Variants in HCRTR2 observed in about 807,000 individuals in gnomAD.
The protein encoded by HCRTR2 is hypocretin receptor 2.
In HCRTR2, 22 loss-of-function variants were observed where a neutral mutation model predicts 49.0. The ratio of observed to expected loss-of-function variants is 0.45; its 90% CI spans 0.32 to 0.64. The LOEUF is 0.64. Ranked by LOEUF, HCRTR2 falls within the 30% of genes least tolerant of loss-of-function variation. The pLI is 0.04. For missense variants in HCRTR2, 491 were observed against 559.4 expected, an observed-to-expected ratio of 0.88 and a Z score of 1.23; for synonymous variants, 236 against 205.3, an observed-to-expected ratio of 1.15 and a Z score of -1.28.
At chr6:55,226,010 G>A (rs960485817) in intron 1 of HCRTR2, among the ~76,000 whole-genome samples, 2 of 152,164 alleles carry the variant, frequency 1.3e-5, no homozygotes, top group Non-Finnish European at 2.9e-5. Flanking sequence ...CCCTAGTTGG[G>A]CATCCCTGTG....
intron 1 of HCRTR2, among the ~76,000 whole-genome samples, chr6:55,163,556 G>A (rs890914356): frequency 7.9e-5 from 12 of 152,230 alleles, no homozygotes; most frequent in African/African-American, 2.2e-4. Flanking sequence ...ATGTTGTTGC[G>A]AAAACTGGCT....
intron 1 of HCRTR2, among the ~76,000 whole-genome samples, chr6:55,163,877 A>G (rs1764840512): frequency 6.6e-6 from 1 of 152,204 alleles, no homozygotes; most frequent in South Asian, 2.1e-4. Flanking sequence ...CAATCTGTCC[A>G]TCTGATAAAG....
chr6:55,284,073 C>T (rs958964121), downstream of HCRTR2, among the ~76,000 whole-genome samples: 2 of 152,178 alleles, frequency 1.3e-5, no homozygotes, highest in African/African-American at 2.4e-5. Context: ...TTGTAATTTT[C>T]GGATCGTGAT....
At chr6:55,222,651 G>A (rs1044344741) in intron 1 of HCRTR2, among the ~76,000 whole-genome samples, 1 of 152,028 alleles carries the variant, frequency 6.6e-6, no homozygotes, top group South Asian at 2.1e-4. Flanking sequence ...CAAACCTTGA[G>A]GACCTTATAC....
At chr6:55,155,454 C>T (rs1054548705) in intron 1 of HCRTR2, among the ~76,000 whole-genome samples, 41 of 152,058 alleles carry the variant, frequency 2.7e-4, no homozygotes, top group African/African-American at 9.4e-4. Context: ...AAAAAGCCAA[C>T]GGAGTCTAAA....
chr6:55,183,435 A>G (rs1341135780), intron 1 of HCRTR2, among the ~76,000 whole-genome samples: 4 of 152,244 alleles, frequency 2.6e-5, no homozygotes, highest in Non-Finnish European at 1.5e-5. Flanking sequence ...ATGTAAGTGC[A>G]GATGAGGAGA....
Position 55,167,733 on chromosome 6 carries a change from G to A in HCRTR2, c.-377-6478G>A, listed in dbSNP as rs571522337. Among the ~76,000 whole-genome samples, 3 of 152,234 alleles carry A rather than the reference G, an allele frequency of 2.0e-5. No individual in the cohort carries two copies. In the East Asian group the frequency reaches 5.8e-4, roughly 29 times the overall value. On this transcript the variant is annotated intron_variant, in intron 1 of 7. Transcript: ENST00000615358. Reference sequence around the variant, plus strand: ...ACGATAATGGATAGTTTCTAGCAGGGTGTCTGGAATGGGCAAGTACCCCCA... The same window carrying A: ...ACGATAATGGATAGTTTCTAGCAGGATGTCTGGAATGGGCAAGTACCCCCA...
At chr6:55,232,729 G>C (rs1766139180) in intron 1 of HCRTR2, among the ~76,000 whole-genome samples, 1 of 152,102 alleles carries the variant, frequency 6.6e-6, no homozygotes, top group Non-Finnish European at 1.5e-5. Flanking sequence ...TCCAAGCTTT[G>C]TGACAACTGT....
intron 1 of HCRTR2, among the ~76,000 whole-genome samples, chr6:55,222,220 T>A (rs1765911464): frequency 6.6e-6 from 1 of 151,552 alleles, no homozygotes; most frequent in African/African-American, 2.4e-5. Flanking sequence ...ACATCATTAG[T>A]AATTAGGGAA....
chr6:55,272,271 T>C (rs565871166), intron 4 of HCRTR2, among the ~76,000 whole-genome samples: 1 of 152,210 alleles, frequency 6.6e-6, no homozygotes, highest in Non-Finnish European at 1.5e-5. Flanking sequence ...GGCCACATAT[T>C]ACATAATTCT....
At chr6:55,163,184 C>G (rs2127263450) in intron 1 of HCRTR2, among the ~76,000 whole-genome samples, 1 of 152,046 alleles carries the variant, frequency 6.6e-6, no homozygotes, top group African/African-American at 2.4e-5. Context: ...TTGCAATGAG[C>G]CAAGATCCTG....
chr6:55,135,537 G>C (rs1764422042), intron 1 of HCRTR2, among the ~76,000 whole-genome samples: 1 of 152,024 alleles, frequency 6.6e-6, no homozygotes. Context: ...AGAGCAATCA[G>C]TTGCTTCAGT....
intron 5 of HCRTR2, among the ~76,000 whole-genome samples, chr6:55,277,926 T>C (rs1371616207): frequency 6.6e-6 from 1 of 152,228 alleles, no homozygotes; most frequent in East Asian, 1.9e-4. Context: ...CTTGCAGTTC[T>C]TTCTTGATGA....
At chr6:55,202,790 T>A (rs143196618) in intron 1 of HCRTR2, among the ~76,000 whole-genome samples, 1 of 152,146 alleles carries the variant, frequency 6.6e-6, no homozygotes, top group African/African-American at 2.4e-5. Flanking sequence ...AAACATTCAA[T>A]CTATAGCAAT....
At chr6:55,114,576 C>T (rs2127611628) in intron 1 of HCRTR2, among the ~76,000 whole-genome samples, 1 of 151,914 alleles carries the variant, frequency 6.6e-6, no homozygotes, top group East Asian at 1.9e-4. Flanking sequence ...TCTGTATTTG[C>T]AACATCCACC....
intron 1 of HCRTR2, among the ~76,000 whole-genome samples, chr6:55,204,256 G>A (rs1218780232): frequency 1.3e-5 from 2 of 152,004 alleles, no homozygotes; most frequent in Non-Finnish European, 2.9e-5. Context: ...TCCTTGGGTG[G>A]AAGAGCTCTG....
chr6:55,170,383 A>T (rs1764931878), upstream of HCRTR2, among the ~76,000 whole-genome samples: 1 of 150,692 alleles, frequency 6.6e-6, no homozygotes, highest in Non-Finnish European at 1.5e-5. Flanking sequence ...CACGCATAGA[A>T]TGTGTAATGG....
intron 1 of HCRTR2, among the ~76,000 whole-genome samples, chr6:55,115,781 T>A (rs1764107749): frequency 6.6e-6 from 1 of 151,662 alleles, no homozygotes; most frequent in African/African-American, 2.4e-5. Flanking sequence ...AGCTGAACCA[T>A]GAGAAGATGA....
intron 3 of HCRTR2, among the ~76,000 whole-genome samples, chr6:55,262,782 A>C (rs9475221): frequency 0.033 from 4,903 of 146,394 alleles, 295 homozygotes; most frequent in African/African-American, 0.12. Context: ...ATATATATAT[A>C]TATATCTTCT....
Sources: gnomAD v4.1 joint callset for allele counts (sites outside exome capture counted in the v4.1 genomes callset) on GRCh38, gnomAD v4.1.1 for gene constraint, MANE v1.5 for transcripts, NCBI Gene and HGNC (gene_info 2026-07-23, HGNC 2026-07-21) for gene names.